The following KCNIP4 variants were observed in gnomAD, a reference collection of about 807,000 sequenced individuals.
The protein encoded by KCNIP4 is potassium voltage-gated channel interacting protein 4.
Under a neutral mutation model 34.0 loss-of-function variants are expected in KCNIP4, and 12 were observed. The ratio of observed to expected loss-of-function variants is 0.35; its 90% CI spans 0.23 to 0.57. The LOEUF is 0.57. KCNIP4 is among the 20% of genes least tolerant of loss of function. The probability of loss-of-function intolerance (pLI) is 0.83; values close to 1 mark genes in which losing one functional copy is unlikely to be tolerated. For missense variants in KCNIP4, 238 were observed against 311.7 expected (o/e 0.76, Z 1.78); for synonymous variants, 124 against 102.2 (o/e 1.21, Z -1.29).
At chr4:21,227,447 C>T (rs947533815) in intron 1 of KCNIP4, among the ~76,000 whole-genome samples, 9 of 152,108 alleles carry the variant, frequency 5.9e-5, no homozygotes, top group African/African-American at 1.9e-4. Flanking sequence ...TTTTAACTTC[C>T]CCCTGTCTGT....
intron 1 of KCNIP4, among the ~76,000 whole-genome samples, chr4:21,433,635 T>C (rs377567184): frequency 3.3e-5 from 5 of 152,168 alleles, no homozygotes; most frequent in African/African-American, 1.2e-4. Context: ...AGCTGACTGA[T>C]ACACATACTC....
At chr4:21,896,933 T>TAATAAATAAATA (rs57096209) in intron 1 of KCNIP4, among the ~76,000 whole-genome samples, 3 of 147,394 alleles carry the variant, frequency 2.0e-5, no homozygotes, top group Non-Finnish European at 3.0e-5. Flanking sequence ...CATAAATAAA[T>TAATAAATAAATA]AATAAATAAA....
chr4:20,950,094 A>G (rs1191456451), intron 1 of KCNIP4, among the ~76,000 whole-genome samples: 1 of 150,650 alleles, frequency 6.6e-6, no homozygotes, highest in Non-Finnish European at 1.5e-5. Context: ...AATCATGAAT[A>G]TCACAAAATC....
At chr4:20,942,083 G>A (rs1321270890) in intron 1 of KCNIP4, among the ~76,000 whole-genome samples, 1 of 152,176 alleles carries the variant, frequency 6.6e-6, no homozygotes, top group African/African-American at 2.4e-5. Flanking sequence ...ATGTCCAGTA[G>A]TAACAAACAC....
chr4:21,430,660 C>G (rs1726363391), intron 1 of KCNIP4, among the ~76,000 whole-genome samples: 1 of 151,990 alleles, frequency 6.6e-6, no homozygotes, highest in Non-Finnish European at 1.5e-5. Flanking sequence ...ATCTTTAATC[C>G]TTACAATAGC....
At chr4:21,597,982 A>G (rs950170173) in intron 1 of KCNIP4, among the ~76,000 whole-genome samples, 4 of 152,158 alleles carry the variant, frequency 2.6e-5, no homozygotes, top group African/African-American at 9.7e-5. Flanking sequence ...GTAATAAATA[A>G]TTATGAACTG....
At chr4:21,234,960 C>T (rs749381648) in intron 1 of KCNIP4, among the ~76,000 whole-genome samples, 2 of 151,820 alleles carry the variant, frequency 1.3e-5, no homozygotes, top group South Asian at 2.1e-4. Context: ...ATTTTTTTAA[C>T]GTATAAAATA....
chr4:21,509,472 A>G (rs1734121689), intron 1 of KCNIP4, among the ~76,000 whole-genome samples: 1 of 152,162 alleles, frequency 6.6e-6, no homozygotes, highest in Admixed American at 6.5e-5. Flanking sequence ...AAAGATTAAC[A>G]TTTATCAAAG....
At chr4:21,908,271 G>A (rs78932846) in intron 1 of KCNIP4, among the ~76,000 whole-genome samples, 34,465 of 151,920 alleles carry the variant, frequency 0.23, 4,338 homozygotes, top group Non-Finnish European at 0.29. Flanking sequence ...AGCTCCAGCT[G>A]TCCTGGCCTT....
At chr4:21,777,600 G>A (rs990800906) in intron 1 of KCNIP4, among the ~76,000 whole-genome samples, 1 of 152,094 alleles carries the variant, frequency 6.6e-6, no homozygotes, top group African/African-American at 2.4e-5. Context: ...TGTCACTTCT[G>A]CTCAGAATTA....
intron 1 of KCNIP4, among the ~76,000 whole-genome samples, chr4:21,909,116 C>T (rs1728160245): frequency 6.6e-6 from 1 of 151,974 alleles, no homozygotes; most frequent in African/African-American, 2.4e-5. Flanking sequence ...AAAAAAAGAA[C>T]CATATCAATA....
intron 1 of KCNIP4, among the ~76,000 whole-genome samples, chr4:21,908,952 C>A (rs765071890): frequency 6.6e-6 from 1 of 152,094 alleles, no homozygotes. Context: ...TTATGGGATA[C>A]GTTTTCTTGA....
rs996811034 is a variant in KCNIP4, at chr4:21,083,209, C to A, written c.62-200500G>T. Among the ~76,000 whole-genome samples, 3 of 151,672 alleles carry A rather than the reference C, an allele frequency of 2.0e-5. No homozygotes were observed. In the East Asian group the frequency reaches 5.8e-4, roughly 29 times the overall value. On this transcript the variant is annotated intron_variant, in intron 1 of 8. Coordinates refer to ENST00000382152, the MANE Select transcript of KCNIP4 (RefSeq NM_025221.6). ...CTTTGGCTAATTGGTTTATTTTATC[C>A]CTAAGGAAGATTCCTATTCTTGCTT...
chr4:21,936,001 C>A (rs13109083), intron 1 of KCNIP4, among the ~76,000 whole-genome samples: 2 of 150,548 alleles, frequency 1.3e-5, no homozygotes, highest in Non-Finnish European at 3.0e-5. Flanking sequence ...TAGCTACACA[C>A]ACATAGTATA....
chr4:20,789,599 A>G (rs1712461420), intron 3 of KCNIP4, among the ~76,000 whole-genome samples: 1 of 152,032 alleles, frequency 6.6e-6, no homozygotes, highest in African/African-American at 2.4e-5. Context: ...GACCAATCAC[A>G]AATTGCTGCA....
rs575527935 is a variant in KCNIP4 at position 21,920,839 on chromosome 4, T to C, written c.61+27732A>G. ...GTCAGATACTAATGGACACTTAAAA[T>C]TGAAAACCTGTTAAGAAGTGCACTG... On this transcript the variant is annotated intron_variant, in intron 1 of 8. Coordinates refer to ENST00000382152, the MANE Select transcript of KCNIP4 (RefSeq NM_025221.6). Among the ~76,000 whole-genome samples, 7 of 149,876 alleles carry C rather than the reference T, an allele frequency of 4.7e-5. No individual in the cohort carries two copies. The South Asian group carries it at 1.4e-3, about 31-fold the overall frequency.
At chr4:21,220,661 C>A (rs1376005579) in intron 1 of KCNIP4, among the ~76,000 whole-genome samples, 1 of 151,870 alleles carries the variant, frequency 6.6e-6, no homozygotes, top group African/African-American at 2.4e-5. Context: ...TGAGGCTGAG[C>A]CTAGAATTCC....
chr4:20,931,597 A>G (rs1053148202), intron 1 of KCNIP4, among the ~76,000 whole-genome samples: 4 of 152,132 alleles, frequency 2.6e-5, no homozygotes, highest in African/African-American at 9.7e-5. Flanking sequence ...TAAAAATAGA[A>G]AATGTATGGT....
chr4:20,729,425 T>TATTA lies in KCNIP4; in HGVS notation c.*653_*656dup, dbSNP rs761603266. 1.3e-5 allele frequency: 2 copies of TATTA among 152,582 alleles called. No individual in the cohort carries two copies. Among genetic ancestry groups the TATTA allele is most frequent in the African/African-American group, 2.4e-5 (1 of 41,520 alleles). 9.5% of individuals were successfully genotyped at this position (152,582 alleles called of 1,614,324 possible). On this transcript the variant is annotated 3_prime_UTR_variant, in exon 9 of 9. Coordinates refer to ENST00000382152, the MANE Select transcript of KCNIP4 (RefSeq NM_025221.6). Reference sequence around the variant, plus strand: ...AACATATTATGGAAAATTAAATGCTTATTAAAATAAGTTTTATTAGGCATA... The same window carrying TATTA: ...AACATATTATGGAAAATTAAATGCTTATTAATTAAAATAAGTTTTATTAGGCATA...
Sources: allele counts gnomAD v4.1 joint callset (sites outside exome capture counted in the v4.1 genomes callset), GRCh38; gene constraint gnomAD v4.1.1; transcripts MANE v1.5; gene names NCBI Gene and HGNC (gene_info 2026-07-23, HGNC 2026-07-21).